Variants in CDH12 observed in about 807,000 individuals in gnomAD.
The protein encoded by CDH12 is cadherin 12.
A neutral mutation model predicts 74.1 loss-of-function variants in CDH12; 41 were observed. The ratio of observed to expected loss-of-function variants is 0.55; its 90% CI spans 0.43 to 0.72. The LOEUF (loss-of-function observed/expected upper bound fraction) is 0.72. Among genes scored for constraint, CDH12 ranks in the 30% least tolerant of loss-of-function variants. The probability of loss-of-function intolerance (pLI) is 0.00; values close to 1 mark genes in which losing one functional copy is unlikely to be tolerated. For missense variants in CDH12, 945 were observed against 977.2 expected (o/e 0.97, Z 0.44); for synonymous variants, 399 against 355.0 (o/e 1.12, Z -1.39).
chr5:22,039,110 G>A (rs1445872105), intron 5 of CDH12, among the ~76,000 whole-genome samples: 1 of 152,092 alleles, frequency 6.6e-6, no homozygotes, highest in Non-Finnish European at 1.5e-5. Context: ...CTGGGATACT[G>A]CCGAGTCCCA....
rs117985124 is a variant in CDH12 at position 22,257,103 on chromosome 5, A to G, written c.-332-44460T>C. Among the ~76,000 whole-genome samples the G allele has an allele frequency of 2.8e-4, 43 of 152,310 alleles. 1 individual carries two copies. The East Asian group carries it at 8.3e-3, about 30-fold the overall frequency. Reference sequence around the variant, plus strand: ...ATGCAAATGCCACATGTTCTCACTTATAAGTAGGAGCTAAATGATGAGAAT... The same window carrying G: ...ATGCAAATGCCACATGTTCTCACTTGTAAGTAGGAGCTAAATGATGAGAAT... On this transcript the variant is annotated intron_variant, in intron 3 of 14. Transcript: ENST00000382254.
chr5:22,848,486 A>T (rs1052613256), intron 1 of CDH12, among the ~76,000 whole-genome samples: 1 of 152,214 alleles, frequency 6.6e-6, no homozygotes, highest in South Asian at 2.1e-4. Context: ...ATTATGTAAC[A>T]CCATAAATTT....
intron 4 of CDH12, among the ~76,000 whole-genome samples, chr5:22,158,273 T>C (rs570171267): frequency 6.6e-6 from 1 of 152,192 alleles, no homozygotes; most frequent in African/African-American, 2.4e-5. Context: ...TGAAATAGTA[T>C]TGGTGATAAA....
In CDH12 at chr5:22,040,118, A is replaced by G. The variant is rs1284189049; in HGVS notation, c.231+38328T>C. 2.0e-5 allele frequency among the ~76,000 whole-genome samples: 3 copies of G among 152,244 alleles called. No individual in the cohort carries two copies. The East Asian group carries it at 5.8e-4, about 29-fold the overall frequency. The stretch of plus-strand genomic sequence containing the variant: ...GAGAAATTTAGCAAAGATAGATATC[A>G]TAAAAAAGAACTAAACATAAATCTT... On this transcript the variant is annotated intron_variant, in intron 5 of 14. Coordinates refer to ENST00000382254, the MANE Select transcript of CDH12 (RefSeq NM_004061.5).
chr5:22,509,912 A>G lies in CDH12; in HGVS notation c.-522-4548T>C, dbSNP rs1022941877. On this transcript the variant is annotated intron_variant, in intron 1 of 14. Transcript: ENST00000382254. ...AGAGTAGTAATATAAAGCATGGTATAGCACTGGAGAATCAGTAGGACCTCA... is the reference window on the plus strand; with the variant it reads ...AGAGTAGTAATATAAAGCATGGTATGGCACTGGAGAATCAGTAGGACCTCA... 5.3e-5 allele frequency among the ~76,000 whole-genome samples: 8 copies of G among 152,268 alleles called. No individual in the cohort carries two copies. In the East Asian group the frequency reaches 1.5e-3, roughly 29 times the overall value.
At chr5:22,272,497 A>G (rs1736442208) in intron 3 of CDH12, among the ~76,000 whole-genome samples, 1 of 152,164 alleles carries the variant, frequency 6.6e-6, no homozygotes, top group South Asian at 2.1e-4. Flanking sequence ...TGAATTCACA[A>G]TTTAGAAAAC....
At chr5:21,894,531 T>G (rs1367092020) in intron 6 of CDH12, among the ~76,000 whole-genome samples, 1 of 152,118 alleles carries the variant, frequency 6.6e-6, no homozygotes, top group Non-Finnish European at 1.5e-5. Context: ...ACTTGTAAAG[T>G]ATAATGTGTA....
At chr5:22,668,412 C>T (rs1327446813) in intron 1 of CDH12, among the ~76,000 whole-genome samples, 1 of 152,040 alleles carries the variant, frequency 6.6e-6, no homozygotes, top group Non-Finnish European at 1.5e-5. Context: ...AATGTGTTTT[C>T]CATTGCTTAT....
intron 6 of CDH12, among the ~76,000 whole-genome samples, chr5:21,882,413 C>G (rs1752399160): frequency 6.6e-6 from 1 of 152,266 alleles, no homozygotes; most frequent in Middle Eastern, 3.4e-3. Context: ...TTATTTGAAC[C>G]AGACATAGAT....
In CDH12 at chr5:22,319,083, T is replaced by C. The variant is rs190876308; in HGVS notation, c.-333+86174A>G. 4.5e-3 allele frequency among the ~76,000 whole-genome samples: 686 copies of C among 152,300 alleles called. 5 individuals are homozygous for C. Among genetic ancestry groups the C allele is most frequent in the African/African-American group, 0.016 (650 of 41,568 alleles). On this transcript the variant is annotated intron_variant, in intron 3 of 14. Coordinates refer to ENST00000382254, the MANE Select transcript of CDH12 (RefSeq NM_004061.5). ...CATATCACAGCCAATCTGTGTTATG[T>C]GACAACAACCACCACAGAAAAATCA...
At chr5:22,302,208 T>C (rs781502939) in intron 3 of CDH12, among the ~76,000 whole-genome samples, 2 of 151,908 alleles carry the variant, frequency 1.3e-5, no homozygotes, top group African/African-American at 2.4e-5. Context: ...AAGAAAGAAA[T>C]GAACAAAACT....
chr5:22,607,819 G>T (rs997118165), intron 1 of CDH12, among the ~76,000 whole-genome samples: 3 of 152,202 alleles, frequency 2.0e-5, no homozygotes, highest in Non-Finnish European at 2.9e-5. Context: ...TGCTTCAGAG[G>T]GTGCAAGCCC....
chr5:22,102,766 T>C (rs1744218186), intron 4 of CDH12, among the ~76,000 whole-genome samples: 1 of 152,076 alleles, frequency 6.6e-6, no homozygotes, highest in South Asian at 2.1e-4. Context: ...CAAAAAATGA[T>C]TAGGCCATGA....
At chr5:22,431,972 C>T (rs943604052) in intron 2 of CDH12, among the ~76,000 whole-genome samples, 2 of 152,046 alleles carry the variant, frequency 1.3e-5, no homozygotes, top group African/African-American at 4.8e-5. Context: ...TGGTGTTCAT[C>T]AAGTTTACAG....
At chr5:22,005,414 A>G (rs1359741331) in intron 5 of CDH12, among the ~76,000 whole-genome samples, 2 of 152,120 alleles carry the variant, frequency 1.3e-5, no homozygotes, top group African/African-American at 4.8e-5. Flanking sequence ...TGACTTTCCT[A>G]TTATGAATAG....
intron 3 of CDH12, among the ~76,000 whole-genome samples, chr5:22,341,602 C>T (rs190349922): frequency 2.0e-4 from 31 of 152,284 alleles, no homozygotes; most frequent in East Asian, 7.7e-4. Context: ...CTGCTTCAGG[C>T]TGAGCTGTGA....
intron 1 of CDH12, among the ~76,000 whole-genome samples, chr5:22,543,228 G>T (rs996978760): frequency 1.3e-5 from 2 of 152,030 alleles, no homozygotes; most frequent in African/African-American, 4.8e-5. Flanking sequence ...CATAAAACTT[G>T]TAAATCAAGA....
intron 3 of CDH12, among the ~76,000 whole-genome samples, chr5:22,354,208 T>C (rs1248943356): frequency 2.6e-5 from 4 of 152,116 alleles, no homozygotes; most frequent in Non-Finnish European, 5.9e-5. Context: ...GGAAATGAAT[T>C]TGACAAAATA....
chr5:22,467,565 G>T (rs1050523140), intron 2 of CDH12, among the ~76,000 whole-genome samples: 4 of 152,042 alleles, frequency 2.6e-5, no homozygotes, highest in Non-Finnish European at 5.9e-5. Context: ...CTCGAATATG[G>T]GCTTAATGAG....
Sources: gnomAD v4.1 joint callset for allele counts (sites outside exome capture counted in the v4.1 genomes callset) on GRCh38, gnomAD v4.1.1 for gene constraint, MANE v1.5 for transcripts, NCBI Gene and HGNC (gene_info 2026-07-23, HGNC 2026-07-21) for gene names.